The following TMEM260 variants were observed in gnomAD, a reference collection of about 807,000 sequenced individuals.
TMEM260 encodes the protein transmembrane protein 260.
A neutral mutation model predicts 88.9 loss-of-function variants in TMEM260; 82 were observed. The observed-to-expected ratio is 0.92, with a 90% CI of 0.77 to 1.11. The LOEUF (loss-of-function observed/expected upper bound fraction) is 1.11. Among genes scored for constraint, TMEM260 ranks in the 50% least tolerant of loss-of-function variants. The pLI is 0.00. For missense variants in TMEM260, 902 were observed against 853.4 expected (o/e 1.06, Z -0.71); for synonymous variants, 314 against 309.3 (o/e 1.02, Z -0.16).
downstream of TMEM260, among the ~76,000 whole-genome samples, chr14:56,654,814 CAAAAAAAAAAAAAAAA>C (rs750160414): frequency 1.9e-5 from 1 of 51,790 alleles, no homozygotes; most frequent in Admixed American, 2.8e-4. Context: ...AACTCCATCT[CAAAAAAAAAAAAAAAA>C]AAAAAAAAAA....
rs184025020 is a variant in TMEM260 at position 56,626,221 on chromosome 14, C to G, written c.1547+691C>G. ...AATCCCAAAGTTAAATTATCCCTTG[C>G]TAAGAACATAATAATGTGGTATTTT... On this transcript the variant is annotated intron_variant, in intron 12 of 15. Transcript: ENST00000261556. Among the ~76,000 whole-genome samples, 411 of 152,196 alleles carry G rather than the reference C, an allele frequency of 2.7e-3. 3 individuals are homozygous for G. The highest frequency in any genetic ancestry group is 9.5e-3 in the African/African-American group (396 of 41,528).
chr14:56,591,546 G>A (rs1021307505), intron 3 of TMEM260, among the ~76,000 whole-genome samples: 2 of 152,226 alleles, frequency 1.3e-5, no homozygotes, highest in East Asian at 3.9e-4. Context: ...TGCCTTGGCC[G>A]GTGCCTTTGA....
chr14:56,655,475 G>T (rs17091924), downstream of TMEM260, among the ~76,000 whole-genome samples: 3,134 of 151,994 alleles, frequency 0.021, 205 homozygotes, highest in East Asian at 0.18. Context: ...CCCTTCTGAT[G>T]TGACCACATA....
At chr14:56,593,016 C>A (rs1885960714) in intron 3 of TMEM260, 1 of 152,206 alleles carries the variant, frequency 6.6e-6, no homozygotes, top group Admixed American at 6.5e-5. Context: ...ACATGAAAAT[C>A]AAATACTGTG....
chr14:56,642,997 G>C (rs923469701), intron 15 of TMEM260, among the ~76,000 whole-genome samples: 2 of 152,138 alleles, frequency 1.3e-5, no homozygotes, highest in African/African-American at 4.8e-5. Context: ...CCAATAACAG[G>C]CTCTGAAATT....
chr14:56,603,551 G>A (rs1343133305), intron 3 of TMEM260, among the ~76,000 whole-genome samples: 1 of 152,128 alleles, frequency 6.6e-6, no homozygotes, highest in East Asian at 1.9e-4. Flanking sequence ...CTGAACTGGC[G>A]TGAATCCTAG....
At position 56,615,950 on chromosome 14, in the gene TMEM260, A is replaced by G. The variant is rs148570600; in HGVS notation, c.864A>G (p.Gln288=). Residue 288 remains glutamine, a synonymous_variant, in exon 8 of 16, where the codon CAA becomes CAG. Transcript: ENST00000261556. Reference sequence around the variant, plus strand: ...GTTAGATTGTTTTTTGCAGTTCTCAAGTAACAAATATGAGGACCGAACTCT... The same window carrying G: ...GTTAGATTGTTTTTTGCAGTTCTCAGGTAACAAATATGAGGACCGAACTCT... ...GSSMSEILLS[Q]VTNMRTELSF... 6.0e-5 allele frequency: 96 copies of G among 1,612,002 alleles called. No homozygotes were observed. In the African/African-American group the frequency reaches 8.5e-4, roughly 14 times the overall value.
intron 5 of TMEM260, among the ~76,000 whole-genome samples, chr14:56,606,710 G>A (rs1334927151): frequency 1.3e-5 from 2 of 152,122 alleles, no homozygotes; most frequent in African/African-American, 2.4e-5. Context: ...TGGGCAACAC[G>A]GTGAAAGTCT....
At chr14:56,623,832 C>T (rs977510187) in intron 11 of TMEM260, among the ~76,000 whole-genome samples, 10 of 152,100 alleles carry the variant, frequency 6.6e-5, no homozygotes, top group Admixed American at 5.9e-4. Flanking sequence ...TGGGTAATGT[C>T]TTACATAAGA....
chr14:56,592,179 T>C (rs1043331722), intron 3 of TMEM260, among the ~76,000 whole-genome samples: 1 of 152,234 alleles, frequency 6.6e-6, no homozygotes, highest in Non-Finnish European at 1.5e-5. Context: ...AGTAAGTTTT[T>C]ATCTGGAATG....
In TMEM260 at chr14:56,624,205, A is replaced by G. The variant is rs4898908; in HGVS notation, c.1399-1177A>G. ...ATAGATGAGCATACTTGATTTTTTTAATGAATAAAATAATGGCTATTTTGT... is the reference window on the plus strand; with the variant it reads ...ATAGATGAGCATACTTGATTTTTTTGATGAATAAAATAATGGCTATTTTGT... On this transcript the variant is annotated intron_variant, in intron 11 of 15. Coordinates refer to ENST00000261556, the MANE Select transcript of TMEM260 (RefSeq NM_017799.4). Among the ~76,000 whole-genome samples the G allele has an allele frequency of 9.6e-3, 1,462 of 152,276 alleles. 46 individuals are homozygous for G. In the East Asian group the frequency reaches 0.1, roughly 10 times the overall value.
intron 15 of TMEM260, among the ~76,000 whole-genome samples, chr14:56,643,217 T>A (rs1438005337): frequency 6.6e-6 from 1 of 151,856 alleles, no homozygotes; most frequent in Non-Finnish European, 1.5e-5. Flanking sequence ...CAAAAAGAAT[T>A]TTAGACCAGT....
intron 3 of TMEM260, among the ~76,000 whole-genome samples, chr14:56,593,890 T>C (rs1886037761): frequency 6.6e-6 from 1 of 151,312 alleles, no homozygotes; most frequent in African/African-American, 2.4e-5. Context: ...GGTTTCACCT[T>C]GTTAGCCAGG....
At chr14:56,612,396 T>G (rs1887339422) in intron 7 of TMEM260, 111 bp downstream of exon 7, 1 of 928,354 alleles carries the variant, frequency 1.1e-6, no homozygotes, top group Middle Eastern at 3.2e-4. Flanking sequence ...GTCTGAGAAG[T>G]AGTTGTTACC....
chr14:56,585,634 C>T, intron 2 of TMEM260, 127 bp from the exon 3 acceptor site: 1 of 858,048 alleles, frequency 1.2e-6, no homozygotes, highest in East Asian at 2.5e-5. Flanking sequence ...AACCACTATT[C>T]AAACATTTAG....
In TMEM260 at chr14:56,648,412, G is replaced by A. The variant is rs926263832; in HGVS notation, c.*915G>A. Reference sequence around the variant, plus strand: ...TTAATTAATAGCAACCTGTTTTAATGAATAAAGTCACTCAGAGTCCTTCAG... The same window carrying A: ...TTAATTAATAGCAACCTGTTTTAATAAATAAAGTCACTCAGAGTCCTTCAG... On this transcript the variant is annotated 3_prime_UTR_variant, in exon 16 of 16. Transcript: ENST00000261556. 9 of 152,612 alleles carry A rather than the reference G, an allele frequency of 5.9e-5. No individual in the cohort carries two copies. The highest frequency in any genetic ancestry group is 2.2e-4 in the African/African-American group (9 of 41,446). 9.5% of individuals were successfully genotyped at this position (152,612 alleles called of 1,614,324 possible). A position where few individuals can be genotyped will look rare whatever the true frequency, so the allele number is the denominator to read the frequency against.
At chr14:56,593,849 G>A (rs1308026360) in intron 3 of TMEM260, among the ~76,000 whole-genome samples, 4 of 150,902 alleles carry the variant, frequency 2.7e-5, no homozygotes, top group African/African-American at 4.9e-5. Flanking sequence ...CACCGCGCCC[G>A]GCTAATTTTT....
intron 3 of TMEM260, among the ~76,000 whole-genome samples, chr14:56,599,810 A>C (rs1886459412): frequency 6.6e-6 from 1 of 152,210 alleles, no homozygotes; most frequent in South Asian, 2.1e-4. Context: ...CTTGGACTAA[A>C]TCCAACATAA....
At chr14:56,590,281 T>C (rs948436251) in intron 3 of TMEM260, among the ~76,000 whole-genome samples, 1 of 152,214 alleles carries the variant, frequency 6.6e-6, no homozygotes, top group East Asian at 1.9e-4. Context: ...GCAAAAACTC[T>C]TTTTTAAGAC....
Sources: allele counts gnomAD v4.1 joint callset (sites outside exome capture counted in the v4.1 genomes callset), GRCh38; gene constraint gnomAD v4.1.1; transcripts MANE v1.5; gene names NCBI Gene and HGNC (gene_info 2026-07-23, HGNC 2026-07-21).